LRCOL1: variants seen among roughly 807,000 people sequenced by gnomAD.
The protein encoded by LRCOL1 is leucine rich colipase like 1.
A neutral mutation model predicts 21.6 loss-of-function variants in LRCOL1; 21 were observed. The observed-to-expected ratio is 0.97, with a 90% CI of 0.69 to 1.40. The LOEUF (loss-of-function observed/expected upper bound fraction) is 1.40, where lower values mean the gene tolerates loss of function less well. LRCOL1 is among the 40% of genes most tolerant of loss of function. The probability of loss-of-function intolerance (pLI) is 0.00; values close to 1 mark genes in which losing one functional copy is unlikely to be tolerated. For synonymous variants in LRCOL1, 98 were observed against 90.1 expected (o/e 1.09, Z -0.49); for missense variants, 198 against 202.3 (o/e 0.98, Z 0.13).
At position 132,604,453 on chromosome 12, in the gene LRCOL1, G is replaced by A. The variant is rs757075500; in HGVS notation, c.354+9C>T. On this transcript the variant is annotated intron_variant, in intron 4 of 5. Coordinates refer to ENST00000376608, the MANE Select transcript of LRCOL1 (RefSeq NM_001195520.2). ...CCTGCTCCATCTGCCCCGGGTGCCC[G>A]CAGCTCACCTTGCGCCAGGGCACAC... 61 of 1,357,274 alleles carry A rather than the reference G, an allele frequency of 4.5e-5. No homozygotes were observed. The highest frequency in any genetic ancestry group is 1.4e-4 in the Admixed American group (5 of 34,662). The allele number at this position is 1,357,274 out of a possible 1,614,324, so 84.1% of individuals were successfully genotyped here.
chr12:132,607,717 CTCTG>C (rs201378971), intron 1 of LRCOL1, among the ~76,000 whole-genome samples: 3 of 146,606 alleles, frequency 2.0e-5, no homozygotes, highest in African/African-American at 4.9e-5. Context: ...CTCCCTCTGT[CTCTG>C]TCTCTCTGTC....
At chr12:132,604,083 C>A (rs1332884111) in intron 5 of LRCOL1, 171 bp downstream of exon 5, 2 of 1,425,512 alleles carry the variant, frequency 1.4e-6, no homozygotes, top group East Asian at 2.5e-5. Context: ...CTCTGCGGCC[C>A]CCACCTTATG....
Position 132,607,865 on chromosome 12 carries a change from CTG to C in LRCOL1, c.-13-1603_-13-1602del, listed in dbSNP as rs1275507253. 2.3e-3 allele frequency among the ~76,000 whole-genome samples: 335 copies of C among 146,314 alleles called. 2 individuals carry two copies. Among genetic ancestry groups the C allele is most frequent in the African/African-American group, 8.4e-3 (317 of 37,606 alleles). ...TCTGTCTCTGTCTCTCTCTGCCTCT[CTG>C]TCTCTGTCTCTCCCTCTGTCTCTGT... On this transcript the variant is annotated intron_variant, in intron 1 of 5. Coordinates refer to ENST00000376608, the MANE Select transcript of LRCOL1 (RefSeq NM_001195520.2).
chr12:132,604,128 G>A, intron 5 of LRCOL1, 126 bp downstream of exon 5: 3 of 1,438,206 alleles, frequency 2.1e-6, no homozygotes, highest in Non-Finnish European at 2.7e-6. Flanking sequence ...CTCCCAGCAG[G>A]GGTGCCTGGG....
chr12:132,604,932 C>T (rs1179183673), intron 2 of LRCOL1, 101 bp from the exon 3 acceptor site: 1 of 1,469,810 alleles, frequency 6.8e-7, no homozygotes, highest in East Asian at 2.5e-5. Context: ...CCTGTGTCAC[C>T]ATCCTTCAAA....
chr12:132,604,464 T>C lies in LRCOL1; in HGVS notation c.352A>G (p.Lys118Glu). ...TGCCCCGGGTGCCCGCAGCTCACCTTGCGCCAGGGCACACACTGCAGGAAG... is the reference window on the plus strand; with the variant it reads ...TGCCCCGGGTGCCCGCAGCTCACCTCGCGCCAGGGCACACACTGCAGGAAG... ...SVFLQCVPWR[K>E]PNGDFCSSHQ... Residue 118 changes from lysine to glutamate, a missense_variant and splice_region_variant, in exon 4 of 6, where the codon AAG (lysine) becomes GAG (glutamate). Coordinates refer to ENST00000376608, the MANE Select transcript of LRCOL1 (RefSeq NM_001195520.2). The C allele has an allele frequency of 7.2e-6, 11 of 1,535,166 alleles. No homozygotes were observed. The highest frequency in any genetic ancestry group is 9.6e-6 in the Non-Finnish European group (11 of 1,146,154).
intron 5 of LRCOL1, chr12:132,603,916 A>G: frequency 8.3e-7 from 1 of 1,204,114 alleles, no homozygotes; most frequent in Non-Finnish European, 1.0e-6. Flanking sequence ...AGGGCTGGTG[A>G]GGCTGTTCCC....
chr12:132,607,517 C>T (rs1454645752), intron 1 of LRCOL1, among the ~76,000 whole-genome samples: 1 of 152,260 alleles, frequency 6.6e-6, no homozygotes, highest in African/African-American at 2.4e-5. Context: ...CTCCCTCACC[C>T]CGTGCTGTGA....
At chr12:132,605,553 AC>A (rs1357618991) in intron 2 of LRCOL1, among the ~76,000 whole-genome samples, 2 of 151,950 alleles carry the variant, frequency 1.3e-5, no homozygotes, top group Non-Finnish European at 2.9e-5. Flanking sequence ...ACATGGTGAA[AC>A]CCCATCTCTA....
At chr12:132,605,724 ATC>A (rs751425832) in intron 2 of LRCOL1, 271 of 126,454 alleles carry the variant, frequency 2.1e-3, no homozygotes, top group South Asian at 5.0e-3. Context: ...GCGAGGCTTC[ATC>A]TCTCTCTCTC....
At chr12:132,605,880 G>A in intron 2 of LRCOL1, 1 of 484,280 alleles carries the variant, frequency 2.1e-6, no homozygotes, top group Non-Finnish European at 3.7e-6. Context: ...GGTGGCCGTG[G>A]TGGCCCCAGG....
At chr12:132,605,086 G>A (rs1262851001) in intron 2 of LRCOL1, 1 of 1,308,986 alleles carries the variant, frequency 7.6e-7, no homozygotes, top group Non-Finnish European at 9.8e-7. Flanking sequence ...GGGCAAGGAT[G>A]CAGCAGCAGA....
intron 5 of LRCOL1, chr12:132,603,925 C>G: frequency 8.3e-7 from 1 of 1,211,526 alleles, no homozygotes; most frequent in Admixed American, 4.3e-5. Flanking sequence ...GAGGCTGTTC[C>G]CTCTCCGGCC....
rs1243872412 is a variant in LRCOL1 at position 132,604,382 on chromosome 12, G to A, written c.355-6C>T. Reference sequence around the variant, plus strand: ...CTGCAGAAGTCGCCGTTGGGCTGGGGAGGCAGCCAGGCAGCAGTCGTGGAG... The same window carrying A: ...CTGCAGAAGTCGCCGTTGGGCTGGGAAGGCAGCCAGGCAGCAGTCGTGGAG... On this transcript the variant is annotated splice_polypyrimidine_tract_variant and splice_region_variant and intron_variant, in intron 4 of 5. Coordinates refer to ENST00000376608, the MANE Select transcript of LRCOL1 (RefSeq NM_001195520.2). 4.6e-6 allele frequency: 7 copies of A among 1,535,302 alleles called. No individual in the cohort carries two copies. Among genetic ancestry groups the A allele is most frequent in the Middle Eastern group, 1.7e-4 (1 of 5,984 alleles).
At chr12:132,603,446 G>C (rs1409496136) in intron 5 of LRCOL1, 42 bp from the exon 6 acceptor site, 19 of 1,535,976 alleles carry the variant, frequency 1.2e-5, no homozygotes, top group Non-Finnish European at 1.0e-5. Context: ...CAGGGGACGG[G>C]CCTCGAAGCG....
At position 132,604,782 on chromosome 12, in the gene LRCOL1, C is replaced by T. The variant is rs1384005273; in HGVS notation, c.155G>A (p.Cys52Tyr). ...GTGTGGGGCCAGGCTGTTGATGGTA[C>T]AGCAGTTGCTCTGGCACTCCTCGTG... ...RRHEECQSNC[C>Y]TINSLAPHTL... Residue 52 changes from cysteine to tyrosine, a missense_variant, in exon 3 of 6, where the codon TGT (cysteine) becomes TAT (tyrosine). Physicochemically the swap from Cys to Tyr is radical, Grantham distance 194. Coordinates refer to ENST00000376608, the MANE Select transcript of LRCOL1 (RefSeq NM_001195520.2). The T allele has an allele frequency of 2.6e-6, 4 of 1,536,066 alleles. No homozygotes were observed. The highest frequency in any genetic ancestry group is 4.9e-5 in the East Asian group (2 of 40,918).
In LRCOL1 at chr12:132,606,963, G is replaced by A. The variant is rs1169673782; in HGVS notation, c.-13-699C>T. Among the ~76,000 whole-genome samples the A allele has an allele frequency of 1.3e-5, 2 of 152,200 alleles. No homozygotes were observed. Among genetic ancestry groups the A allele is most frequent in the Middle Eastern group, 3.2e-3 (1 of 316 alleles). On this transcript the variant is annotated intron_variant, in intron 1 of 5. Coordinates refer to ENST00000376608, the MANE Select transcript of LRCOL1 (RefSeq NM_001195520.2). The surrounding 1 kb of genome is among the most constrained non-coding windows in gnomAD (Gnocchi z 4.6). The stretch of plus-strand genomic sequence containing the variant: ...AAGAAGACTTTTCCCAGCGGACAGT[G>A]GTTCCCCTGATGAATTTGAACGTGA...
chr12:132,609,461 G>A (rs1034347635), intron 1 of LRCOL1, among the ~76,000 whole-genome samples: 1 of 152,218 alleles, frequency 6.6e-6, no homozygotes, highest in African/African-American at 2.4e-5. Context: ...CACTTTGGGA[G>A]GCCAAGGTGG....
In LRCOL1 at chr12:132,604,770, C is replaced by T. The variant is rs753856230; in HGVS notation, c.167G>A (p.Ser56Asn). 6 of 1,536,084 alleles carry T rather than the reference C, an allele frequency of 3.9e-6. No homozygotes were observed. The South Asian group carries it at 4.8e-5, about 12-fold the overall frequency. ...ECQSNCCTIN[S>N]LAPHTLCTPK... is the part of the protein sequence containing the mutation. ...GGTGCAGAGCGTGTGTGGGGCCAGG[C>T]TGTTGATGGTACAGCAGTTGCTCTG... The change falls in exon 3 of 6, where the codon AGC becomes AAC. Residue 56 changes from serine (S) to asparagine (N), a missense_variant. By Grantham distance (46) the Ser-to-Asn change is conservative (BLOSUM62 1). Transcript: ENST00000376608.
Sources: allele counts gnomAD v4.1 joint callset (sites outside exome capture counted in the v4.1 genomes callset), GRCh38; gene constraint gnomAD v4.1.1; non-coding constraint Gnocchi (gnomAD v3.1); transcripts MANE v1.5; gene names NCBI Gene and HGNC (gene_info 2026-07-23, HGNC 2026-07-21).